Variants in PCDHGA6 observed in about 807,000 individuals in gnomAD.
PCDHGA6 encodes the protein protocadherin gamma-A6.
A neutral mutation model predicts 60.6 loss-of-function variants in PCDHGA6; 41 were observed. The observed-to-expected ratio is 0.68, with a 90% CI of 0.53 to 0.88. PCDHGA6 has a LOEUF of 0.88. PCDHGA6 is among the 40% of genes least tolerant of loss of function. The pLI is 0.00. For missense variants in PCDHGA6, 1,312 were observed against 1,203.0 expected (o/e 1.09, Z -1.34); for synonymous variants, 594 against 524.4 (o/e 1.13, Z -1.81).
chr5:141,485,229 T>G lies in PCDHGA6; in HGVS notation c.2425-9578T>G, dbSNP rs2099609870. ...ATCTGGCGGTGGGCTACCCTTTTGT[T>G]CCTCTTTTACCACCTGGGTTACGTT... is the stretch of plus-strand genomic sequence containing the variant. On this transcript the variant is annotated intron_variant, in intron 1 of 3. Coordinates refer to ENST00000517434, the MANE Select transcript of PCDHGA6 (RefSeq NM_018919.3). The surrounding 1 kb of genome is among the most constrained non-coding windows in gnomAD (Gnocchi z 5.7). 6.2e-7 allele frequency: 1 copy of G among 1,614,042 alleles called. No individual in the cohort carries two copies. The highest frequency in any genetic ancestry group is 8.5e-7 in the Non-Finnish European group (1 of 1,180,030).
Position 141,511,030 on chromosome 5 carries a change from C to A in PCDHGA6, c.2656C>A (p.Gln886Lys). 9 of 1,614,224 alleles carry A rather than the reference C, an allele frequency of 5.6e-6. No individual in the cohort carries two copies. Among genetic ancestry groups the A allele is most frequent in the Non-Finnish European group, 7.6e-6 (9 of 1,180,032 alleles). Residue 886 changes from glutamine (Q) to lysine (K), a missense_variant, in exon 4 of 4, where the codon CAG (glutamine) becomes AAG (lysine). Transcript: ENST00000517434. ...SARYGPQFTLQHVPDYRQNVY... is the reference protein window; with the variant it reads ...SARYGPQFTLKHVPDYRQNVY... ...CCGCTACGGACCCCAGTTCACCCTGCAGCACGTGCCCGACTACCGCCAGAA... is the reference window on the plus strand; with the variant it reads ...CCGCTACGGACCCCAGTTCACCCTGAAGCACGTGCCCGACTACCGCCAGAA...
intron 1 of PCDHGA6, among the ~76,000 whole-genome samples, chr5:141,458,236 C>T (rs6874378): frequency 0.18 from 27,546 of 152,106 alleles, 2,658 homozygotes; most frequent in Admixed American, 0.28. Flanking sequence ...AGTCCATGCA[C>T]CAAAATGATA....
intron 1 of PCDHGA6, among the ~76,000 whole-genome samples, chr5:141,402,461 C>A (rs892900332): frequency 1.3e-5 from 2 of 151,994 alleles, no homozygotes; most frequent in East Asian, 3.8e-4. Context: ...GTTTACATAT[C>A]TAGAAATAGA....
intron 1 of PCDHGA6, chr5:141,414,158 G>A (rs1167529832): frequency 6.2e-7 from 1 of 1,602,572 alleles, no homozygotes; most frequent in Non-Finnish European, 8.5e-7. Flanking sequence ...GCAGAAGATG[G>A]AGGAGCATAT....
intron 1 of PCDHGA6, among the ~76,000 whole-genome samples, chr5:141,436,374 G>C (rs2154557079): frequency 6.6e-6 from 1 of 152,248 alleles, no homozygotes; most frequent in East Asian, 1.9e-4. Context: ...TCCAGTTTAA[G>C]CTGAATAGGC....
At chr5:141,496,639 C>T (rs752903356) in intron 2 of PCDHGA6, among the ~76,000 whole-genome samples, 1 of 152,222 alleles carries the variant, frequency 6.6e-6, no homozygotes, top group Non-Finnish European at 1.5e-5. Context: ...TTGGGCTGCC[C>T]TTGCCCTTCC....
At position 141,486,691 on chromosome 5, in the gene PCDHGA6, T is replaced by C. The variant is rs778748447; in HGVS notation, c.2425-8116T>C. 8 of 1,614,024 alleles carry C rather than the reference T, an allele frequency of 5.0e-6. No individual in the cohort carries two copies. The highest frequency in any genetic ancestry group is 1.3e-5 in the African/African-American group (1 of 74,922). The stretch of plus-strand genomic sequence containing the variant: ...GGAATCGAGATGTATCAGCTTCCTC[T>C]TTCATCTCTCTGAACCCCCAGACAG... On this transcript the variant is annotated intron_variant, in intron 1 of 3. Coordinates refer to ENST00000517434, the MANE Select transcript of PCDHGA6 (RefSeq NM_018919.3). The surrounding 1 kb of genome is among the most constrained non-coding windows in gnomAD (Gnocchi z 5.0).
rs933509212 is a variant in PCDHGA6 at position 141,374,386 on chromosome 5, G to A, written c.303G>A (p.Arg101=). The A allele has an allele frequency of 3.7e-6, 6 of 1,613,940 alleles. No individual in the cohort carries two copies. The highest frequency in any genetic ancestry group is 1.7e-5 in the Admixed American group (1 of 60,014). ...DREELCAQSP[R]CLVSFNILVE... is the part of the protein sequence containing the mutation. The stretch of plus-strand genomic sequence containing the variant: ...AGGAGCTCTGTGCTCAGAGCCCGCG[G>A]TGTCTGGTGAGTTTTAACATCCTTG... The change falls in exon 1 of 4, where the codon CGG becomes CGA. Residue 101 remains arginine, a synonymous_variant. Transcript: ENST00000517434.
chr5:141,486,400 T>G lies in PCDHGA6; in HGVS notation c.2425-8407T>G. On this transcript the variant is annotated intron_variant, in intron 1 of 3. Transcript: ENST00000517434. This position sits in a 1 kb window ranked among gnomAD's most constrained non-coding sequence, Gnocchi z 5.0. Reference sequence around the variant, plus strand: ...TCAGGAACCAGTTCTCCCTGGTGACTGCTGGACCCTTGGATCGAGAGGCCA... The same window carrying G: ...TCAGGAACCAGTTCTCCCTGGTGACGGCTGGACCCTTGGATCGAGAGGCCA... 5.0e-6 allele frequency: 8 copies of G among 1,614,194 alleles called. No homozygotes were observed. The highest frequency in any genetic ancestry group is 6.8e-6 in the Non-Finnish European group (8 of 1,180,028).
intron 1 of PCDHGA6, chr5:141,478,753 G>A (rs2099475642): frequency 2.0e-6 from 3 of 1,519,424 alleles, no homozygotes; most frequent in Admixed American, 2.1e-5. Context: ...ATTTCAGGGG[G>A]AAGATACTTG....
chr5:141,428,098 A>C (rs1387848300), intron 1 of PCDHGA6: 1 of 1,608,664 alleles, frequency 6.2e-7, no homozygotes, highest in South Asian at 1.1e-5. Context: ...CTGTCCTACC[A>C]CGTGCTGCAG....
rs756549446 is a variant in PCDHGA6 at position 141,477,301 on chromosome 5, C to G, written c.2425-17506C>G. 32 of 1,614,042 alleles carry G rather than the reference C, an allele frequency of 2.0e-5. 2 individuals carry two copies. In the South Asian group the frequency reaches 3.4e-4, roughly 17 times the overall value. On this transcript the variant is annotated intron_variant, in intron 1 of 3. Coordinates refer to ENST00000517434, the MANE Select transcript of PCDHGA6 (RefSeq NM_018919.3). The surrounding 1 kb of genome is among the most constrained non-coding windows in gnomAD (Gnocchi z 4.9). The stretch of plus-strand genomic sequence containing the variant: ...TGACCTGCGAAGTTCCACCGGGTCT[C>G]CCTTTCAGCCTTACTTCTTCCCTCA...
chr5:141,422,633 G>T lies in PCDHGA6; in HGVS notation c.2424+46126G>T, dbSNP rs769515606. 10 of 1,613,120 alleles carry T rather than the reference G, an allele frequency of 6.2e-6. No individual in the cohort carries two copies. In the East Asian group the frequency reaches 2.0e-4, roughly 32 times the overall value. ...TACATTCCCGAAAACAACCCCAGGG[G>T]TGCCTCCATCTTCTCAGTGACCGCC... On this transcript the variant is annotated intron_variant, in intron 1 of 3. Coordinates refer to ENST00000517434, the MANE Select transcript of PCDHGA6 (RefSeq NM_018919.3).
chr5:141,476,318 G>T lies in PCDHGA6; in HGVS notation c.2425-18489G>T. 3 of 1,614,202 alleles carry T rather than the reference G, an allele frequency of 1.9e-6. No homozygotes were observed. The highest frequency in any genetic ancestry group is 2.5e-6 in the Non-Finnish European group (3 of 1,180,052). The stretch of plus-strand genomic sequence containing the variant: ...TAGCCTCTCAGCCCGCAGGTTCCGG[G>T]TGGTGTCTGGAGCTAGCCGAAGATT... On this transcript the variant is annotated intron_variant, in intron 1 of 3. Transcript: ENST00000517434. This position sits in a 1 kb window ranked among gnomAD's most constrained non-coding sequence, Gnocchi z 7.6.
intron 2 of PCDHGA6, among the ~76,000 whole-genome samples, chr5:141,503,744 A>G (rs1310696654): frequency 2.0e-5 from 3 of 152,112 alleles, no homozygotes; most frequent in African/African-American, 4.8e-5. Context: ...GATGGTATAG[A>G]GGTCACACAT....
intron 1 of PCDHGA6, chr5:141,422,413 GAA>G (rs753790858): frequency 6.2e-7 from 1 of 1,604,644 alleles, no homozygotes; most frequent in South Asian, 1.1e-5. Flanking sequence ...TTTTAAATTA[GAA>G]AAGACTTATG....
At chr5:141,408,959 G>A (rs1434961395) in intron 1 of PCDHGA6, 1 of 1,613,722 alleles carries the variant, frequency 6.2e-7, no homozygotes, top group East Asian at 2.2e-5. Context: ...TAGTCTTAGT[G>A]AAAATCTGCC....
intron 1 of PCDHGA6, chr5:141,393,996 G>C (rs1379037065): frequency 3.1e-6 from 5 of 1,613,290 alleles, no homozygotes; most frequent in East Asian, 2.2e-5. Flanking sequence ...TTTTAAATTA[G>C]AAAAGTCAAT....
At chr5:141,439,531 G>A (rs1474855779) in intron 1 of PCDHGA6, among the ~76,000 whole-genome samples, 5 of 152,126 alleles carry the variant, frequency 3.3e-5, no homozygotes, top group Admixed American at 3.3e-4. Flanking sequence ...TCTACAGAAC[G>A]CTGTCCTCTC....
Sources: gnomAD v4.1 joint callset for allele counts (sites outside exome capture counted in the v4.1 genomes callset) on GRCh38, gnomAD v4.1.1 for gene constraint, Gnocchi (gnomAD v3.1) non-coding constraint, MANE v1.5 for transcripts, NCBI Gene and HGNC (gene_info 2026-07-23, HGNC 2026-07-21) for gene names.